SHROOM3: variants seen among roughly 807,000 people sequenced by gnomAD.
SHROOM3 encodes shroom family member 3.
A neutral mutation model predicts 138.6 loss-of-function variants in SHROOM3; 47 were observed. The ratio of observed to expected loss-of-function variants is 0.34; its 90% CI spans 0.27 to 0.43. The LOEUF is 0.43. SHROOM3 is among the 20% of genes least tolerant of loss of function. The pLI is 1.00. For missense variants in SHROOM3, 2,491 were observed against 2,596.5 expected, an observed-to-expected ratio of 0.96 and a Z score of 0.88; for synonymous variants, 1,062 against 1,063.3, an observed-to-expected ratio of 1.00 and a Z score of 0.02.
chr4:76,673,337 C>T (rs932576706), intron 2 of SHROOM3, among the ~76,000 whole-genome samples: 40 of 152,246 alleles, frequency 2.6e-4, no homozygotes, highest in African/African-American at 8.9e-4. Flanking sequence ...CTTCTTTTGC[C>T]ATTATATATT....
chr4:76,697,989 A>T (rs1018133228), intron 2 of SHROOM3, among the ~76,000 whole-genome samples: 3 of 152,218 alleles, frequency 2.0e-5, no homozygotes, highest in African/African-American at 7.2e-5. Context: ...CCATGGAACT[A>T]TAGTCACAAA....
chr4:76,627,144 C>G (rs530981480), intron 2 of SHROOM3, among the ~76,000 whole-genome samples: 1 of 152,274 alleles, frequency 6.6e-6, no homozygotes, highest in African/African-American at 2.4e-5. Flanking sequence ...GATCACAGCA[C>G]TTTGGGGGAT....
intron 1 of SHROOM3, among the ~76,000 whole-genome samples, chr4:76,504,085 AGAGATTTT>A (rs1732154455): frequency 6.6e-6 from 1 of 152,212 alleles, no homozygotes; most frequent in South Asian, 2.1e-4. Flanking sequence ...GACAACTGTA[AGAGATTTT>A]GATGTTCTGC....
chr4:76,722,364 T>A (rs1720578638), intron 3 of SHROOM3, among the ~76,000 whole-genome samples: 1 of 152,134 alleles, frequency 6.6e-6, no homozygotes, highest in African/African-American at 2.4e-5. Flanking sequence ...TGCAGGAACA[T>A]GGATGGAGCT....
chr4:76,622,541 T>C (rs1336662473), intron 2 of SHROOM3, among the ~76,000 whole-genome samples: 2 of 151,978 alleles, frequency 1.3e-5, no homozygotes, highest in African/African-American at 2.4e-5. Flanking sequence ...TAATTCCATT[T>C]CTCACAAGCA....
intron 2 of SHROOM3, among the ~76,000 whole-genome samples, chr4:76,625,253 C>G (rs1191572352): frequency 6.6e-6 from 1 of 152,174 alleles, no homozygotes; most frequent in Non-Finnish European, 1.5e-5. Context: ...TTTAAAATAT[C>G]CTGGTGAGAA....
At chr4:76,670,841 T>C (rs1039731079) in intron 2 of SHROOM3, among the ~76,000 whole-genome samples, 4 of 152,166 alleles carry the variant, frequency 2.6e-5, no homozygotes, top group Admixed American at 2.6e-4. Context: ...TGGTCTCAGA[T>C]ACTTGGGAGA....
At chr4:76,624,744 T>C (rs919036090) in intron 2 of SHROOM3, among the ~76,000 whole-genome samples, 1 of 152,246 alleles carries the variant, frequency 6.6e-6, no homozygotes, top group African/African-American at 2.4e-5. Context: ...TGAGTGTATA[T>C]GTTGCATATT....
intron 9 of SHROOM3, among the ~76,000 whole-genome samples, chr4:76,768,046 T>TG (rs1162284710): frequency 6.6e-6 from 1 of 152,186 alleles, no homozygotes; most frequent in Non-Finnish European, 1.5e-5. Context: ...ATAACCCAGT[T>TG]GTCTTTAAGT....
rs748625427 is a variant in SHROOM3 at position 76,740,545 on chromosome 4, G to C, written c.2372G>C (p.Arg791Pro). The part of the protein sequence containing the change: ...VLEKVSKFEQ[R>P]EQGSQRPSVG... Reference sequence around the variant, plus strand: ...GAGAAGGTCTCCAAATTCGAGCAGCGAGAGCAAGGGAGCCAGAGACCGAGT... The same window carrying C: ...GAGAAGGTCTCCAAATTCGAGCAGCCAGAGCAAGGGAGCCAGAGACCGAGT... Residue 791 changes from arginine (R) to proline (P), a missense_variant, in exon 5 of 11, where the codon CGA (arginine) becomes CCA (proline). Arg to Pro is a moderately radical substitution (Grantham distance 103). This residue lies in a region of SHROOM3 where 1,733 missense variants were observed against 1,661.6 expected (regional missense o/e 1.04). Transcript: ENST00000296043. The surrounding 1 kb of genome is among the most constrained non-coding windows in gnomAD (Gnocchi z 4.0). 1 of 1,613,996 alleles carries C rather than the reference G, an allele frequency of 6.2e-7. No homozygotes were observed. Among genetic ancestry groups the C allele is most frequent in the Non-Finnish European group, 8.5e-7 (1 of 1,180,026 alleles).
intron 1 of SHROOM3, among the ~76,000 whole-genome samples, chr4:76,496,176 G>A (rs539290412): frequency 6.6e-6 from 1 of 152,340 alleles, no homozygotes; most frequent in African/African-American, 2.4e-5. Context: ...CCACAGCACA[G>A]GTGTGTGAGT....
intron 1 of SHROOM3, among the ~76,000 whole-genome samples, chr4:76,502,624 T>C (rs1262665008): frequency 6.6e-6 from 1 of 152,232 alleles, no homozygotes; most frequent in African/African-American, 2.4e-5. Context: ...GTTGAACGAT[T>C]TTGTGAGAGT....
chr4:76,503,366 T>A (rs974326115), intron 1 of SHROOM3, among the ~76,000 whole-genome samples: 13 of 152,174 alleles, frequency 8.5e-5, no homozygotes, highest in African/African-American at 2.9e-4. Flanking sequence ...TTTATTCCTA[T>A]GTGTTCGATT....
chr4:76,639,165 A>G (rs1735588961), intron 2 of SHROOM3, among the ~76,000 whole-genome samples: 1 of 152,140 alleles, frequency 6.6e-6, no homozygotes, highest in Non-Finnish European at 1.5e-5. Context: ...TTATAAGGGG[A>G]TGTTCTAAAT....
chr4:76,610,005 C>T (rs1734729013), intron 2 of SHROOM3, among the ~76,000 whole-genome samples: 1 of 152,140 alleles, frequency 6.6e-6, no homozygotes, highest in Non-Finnish European at 1.5e-5. Context: ...TTTGAAAAAT[C>T]TCCTGGGCAA....
intron 2 of SHROOM3, among the ~76,000 whole-genome samples, chr4:76,690,850 C>T (rs1719509141): frequency 1.3e-5 from 2 of 149,608 alleles, no homozygotes; most frequent in Non-Finnish European, 3.0e-5. Flanking sequence ...CAGCTATGGA[C>T]TTTTTTTTTT....
chr4:76,549,847 T>G (rs1252274877), intron 1 of SHROOM3, among the ~76,000 whole-genome samples: 1 of 152,128 alleles, frequency 6.6e-6, no homozygotes, highest in African/African-American at 2.4e-5. Context: ...CTTAATCCAG[T>G]TAACTGAAAT....
intron 1 of SHROOM3, among the ~76,000 whole-genome samples, chr4:76,464,307 G>T (rs1038142470): frequency 6.6e-6 from 1 of 152,202 alleles, no homozygotes; most frequent in South Asian, 2.1e-4. Flanking sequence ...TTTCGCACTT[G>T]CATGGGACCT....
intron 1 of SHROOM3, among the ~76,000 whole-genome samples, chr4:76,497,137 C>T (rs1731985624): frequency 6.6e-6 from 1 of 152,250 alleles, no homozygotes; most frequent in African/African-American, 2.4e-5. Flanking sequence ...CAAGTCACTT[C>T]AGCTCTCTGA....
Sources: allele counts gnomAD v4.1 joint callset (sites outside exome capture counted in the v4.1 genomes callset), GRCh38; gene constraint gnomAD v4.1.1; regional missense constraint gnomAD v4.1.1; non-coding constraint Gnocchi (gnomAD v3.1); transcripts MANE v1.5; gene names NCBI Gene and HGNC (gene_info 2026-07-23, HGNC 2026-07-21).